TRIP11: variants seen among roughly 807,000 people sequenced by gnomAD.
The protein encoded by TRIP11 is thyroid hormone receptor interactor 11.
In TRIP11, 148 loss-of-function variants were observed where a neutral mutation model predicts 223.1. That is an observed-to-expected ratio of 0.66 (90% confidence interval 0.58 to 0.76). TRIP11 has a LOEUF of 0.76. Ranked by LOEUF, TRIP11 falls within the 30% of genes least tolerant of loss-of-function variation. The pLI is 0.00. For synonymous variants in TRIP11, 762 were observed against 772.6 expected (o/e 0.99, Z 0.23); for missense variants, 2,043 against 2,222.0 (o/e 0.92, Z 1.62).
intron 4 of TRIP11, among the ~76,000 whole-genome samples, chr14:92,019,065 A>T (rs1233989818): frequency 6.6e-6 from 1 of 152,088 alleles, no homozygotes; most frequent in African/African-American, 2.4e-5. Flanking sequence ...ATATTGGGAT[A>T]ATACATATGG....
rs185305872 is a variant in TRIP11 at position 91,986,347 on chromosome 14, A to G, written c.5260+1937T>C. Among the ~76,000 whole-genome samples, 650 of 152,292 alleles carry G rather than the reference A, an allele frequency of 4.3e-3. 2 individuals are homozygous for G. The highest frequency in any genetic ancestry group is 5.5e-3 in the Non-Finnish European group (372 of 68,024). On this transcript the variant is annotated intron_variant, in intron 16 of 20. Coordinates refer to ENST00000267622, the MANE Select transcript of TRIP11 (RefSeq NM_004239.4). ...AAGTGTTTCAGATTTTGGATTTTTC[A>G]GACTTTGGAATATCTACATTATAGT...
chr14:92,033,023 A>G (rs1357660725), intron 2 of TRIP11, among the ~76,000 whole-genome samples, 169 bp downstream of exon 2: 2 of 152,132 alleles, frequency 1.3e-5, no homozygotes, highest in South Asian at 2.1e-4. Flanking sequence ...AGGTAAATAT[A>G]TTTTTCATCT....
chr14:91,980,368 A>G (rs572270978), intron 16 of TRIP11, among the ~76,000 whole-genome samples: 141 of 152,314 alleles, frequency 9.3e-4, no homozygotes, highest in African/African-American at 3.2e-3. Context: ...TCCAAGTCAG[A>G]TTTACTGAAC....
intron 2 of TRIP11, among the ~76,000 whole-genome samples, chr14:92,029,286 T>TA (rs1566874541): frequency 3.5e-5 from 1 of 28,292 alleles, no homozygotes; most frequent in African/African-American, 1.1e-4. Context: ...TATTATTTTT[T>TA]TTTTTTTTTT....
At position 92,039,653 on chromosome 14, in the gene TRIP11, T is replaced by A; in HGVS notation, c.33A>T (p.Gly11=). The change falls in exon 1 of 21, where the codon GGA becomes GGT. Residue 11 remains glycine, a synonymous_variant. Transcript: ENST00000267622. ...CGACTTGACCCAGAGACTGGCCCAA[T>A]CCGGAGCCGAGGCCCCCAAGCCAGG... MSSWLGGLGS[G]LGQSLGQVGG... is the part of the protein sequence containing the mutation. 1.9e-6 allele frequency: 3 copies of A among 1,612,354 alleles called. No homozygotes were observed. The African/African-American group carries it at 4.0e-5, about 22-fold the overall frequency.
rs2056496498 is a variant in TRIP11 at position 91,978,541 on chromosome 14, C to G, written c.5261-2352G>C. ...TATATATTTGAGACAGGGTCTTGCT[C>G]TGTTGCCCAGGCTGTGGCATGATCA... On this transcript the variant is annotated intron_variant, in intron 16 of 20. Transcript: ENST00000267622. The surrounding 1 kb of genome is among the most constrained non-coding windows in gnomAD (Gnocchi z 4.4). Among the ~76,000 whole-genome samples the G allele has an allele frequency of 6.6e-6, 1 of 152,128 alleles. No homozygotes were observed. The highest frequency in any genetic ancestry group is 2.4e-5 in the African/African-American group (1 of 41,410).
intron 2 of TRIP11, among the ~76,000 whole-genome samples, chr14:92,027,771 TG>T (rs2057208241): frequency 6.6e-6 from 1 of 152,242 alleles, no homozygotes; most frequent in Admixed American, 6.5e-5. Context: ...TTTTTCACTT[TG>T]GGGATGTCAT....
intron 13 of TRIP11, 63 bp downstream of exon 13, chr14:91,999,177 T>A (rs933455416): frequency 5.2e-6 from 8 of 1,543,344 alleles, no homozygotes; most frequent in Non-Finnish European, 6.2e-6. Context: ...CAAAAAATAC[T>A]TACTGAGTCT....
chr14:92,034,912 G>A (rs1006363620), intron 1 of TRIP11, among the ~76,000 whole-genome samples: 1 of 152,156 alleles, frequency 6.6e-6, no homozygotes, highest in African/African-American at 2.4e-5. Context: ...GGGATTACAA[G>A]TGTAAGTCAC....
At chr14:92,025,177 C>T (rs1176851750) in intron 3 of TRIP11, 133 bp downstream of exon 3, 6 of 719,026 alleles carry the variant, frequency 8.3e-6, no homozygotes, top group Middle Eastern at 3.9e-4. Flanking sequence ...CAAACTGAGT[C>T]GAAAATCATT....
At position 91,974,576 on chromosome 14, in the gene TRIP11, T is replaced by C. The variant is rs746292464; in HGVS notation, c.5574+51A>G. ...TCTGATTCTTTGCAAATGAATGTAATATACAGTCATTTTACTATTCACCTT... is the reference window on the plus strand; with the variant it reads ...TCTGATTCTTTGCAAATGAATGTAACATACAGTCATTTTACTATTCACCTT... On this transcript the variant is annotated intron_variant, in intron 19 of 20. Coordinates refer to ENST00000267622, the MANE Select transcript of TRIP11 (RefSeq NM_004239.4). 1.1e-5 allele frequency: 14 copies of C among 1,320,470 alleles called. 1 individual carries two copies. In the South Asian group the frequency reaches 1.4e-4, roughly 13 times the overall value. The allele number at this position is 1,320,470 out of a possible 1,614,324, so 81.8% of individuals were successfully genotyped here. A position where few individuals can be genotyped will look rare whatever the true frequency, so the allele number is the denominator to read the frequency against.
chr14:92,021,632 T>C lies in TRIP11; in HGVS notation c.512A>G (p.Gln171Arg), dbSNP rs1299183811. The C allele has an allele frequency of 1.9e-6, 3 of 1,614,202 alleles. No homozygotes were observed. In the South Asian group the frequency reaches 3.3e-5, roughly 18 times the overall value. Residue 171 changes from glutamine (Q) to arginine (R), a missense_variant, in exon 4 of 21, where the codon CAA (glutamine) becomes CGA (arginine). Gln to Arg is a conservative substitution (Grantham distance 43). Coordinates refer to ENST00000267622, the MANE Select transcript of TRIP11 (RefSeq NM_004239.4). ...ATTTGAGAGTCGGTTTATTTCTTGT[T>C]GGGATGAAATTATATCACCAAAGTC... is the stretch of plus-strand genomic sequence containing the variant. ...DMDFGDIISS[Q>R]QEINRLSNEV...
chr14:92,020,663 A>G (rs1595401894), intron 4 of TRIP11, among the ~76,000 whole-genome samples: 1 of 139,842 alleles, frequency 7.2e-6, no homozygotes, highest in African/African-American at 2.6e-5. Context: ...ATGTTTTATT[A>G]AAAAAAAAAA....
At chr14:92,016,696 C>T (rs2057039493) in intron 5 of TRIP11, among the ~76,000 whole-genome samples, 1 of 152,072 alleles carries the variant, frequency 6.6e-6, no homozygotes, top group South Asian at 2.1e-4. Context: ...GGGCTAAGAG[C>T]TTTACATTTA....
intron 11 of TRIP11, among the ~76,000 whole-genome samples, chr14:92,001,017 C>A (rs976701095): frequency 1.3e-5 from 2 of 151,908 alleles, no homozygotes; most frequent in Non-Finnish European, 2.9e-5. Context: ...TGCACCACCA[C>A]GTCTGGCTAA....
intron 11 of TRIP11, among the ~76,000 whole-genome samples, chr14:92,002,699 C>T (rs1165783733): frequency 6.6e-6 from 1 of 151,898 alleles, no homozygotes; most frequent in African/African-American, 2.4e-5. Context: ...GCCTCAGCCT[C>T]CCAAGTAGCT....
At position 92,004,524 on chromosome 14, in the gene TRIP11, C is replaced by T; in HGVS notation, c.3452G>A (p.Gly1151Asp). 1 of 1,613,122 alleles carries T rather than the reference C, an allele frequency of 6.2e-7. No homozygotes were observed. The highest frequency in any genetic ancestry group is 8.5e-7 in the Non-Finnish European group (1 of 1,179,926). The change falls in exon 11 of 21, where the codon GGC becomes GAC. Residue 1151 changes from glycine (G) to aspartate (D), a missense_variant. Coordinates refer to ENST00000267622, the MANE Select transcript of TRIP11 (RefSeq NM_004239.4). ...KKLSTRFESS[G>D]QDMFRETIQN... ...AATAGTTTCTCTAAACATATCTTGG[C>T]CACTACTTTCAAATCTAGTGGACAA...
Position 92,003,723 on chromosome 14 carries a change from G to A in TRIP11, c.4253C>T (p.Ala1418Val). The change falls in exon 11 of 21, where the codon GCC (alanine) becomes GTC (valine). Residue 1418 changes from alanine to valine, a missense_variant. Coordinates refer to ENST00000267622, the MANE Select transcript of TRIP11 (RefSeq NM_004239.4). ...LLKEKDLLIK[A>V]KSDQLLSSNE... ...GGAAGAAAGTAGTTGATCACTTTTG[G>A]CTTTGATTAAGAGGTCTTTTTCCTT... 1 of 1,614,108 alleles carries A rather than the reference G, an allele frequency of 6.2e-7. No homozygotes were observed. The highest frequency in any genetic ancestry group is 8.5e-7 in the Non-Finnish European group (1 of 1,180,030).
intron 11 of TRIP11, 59 bp from the exon 12 acceptor site, chr14:92,000,167 A>C (rs917416330): frequency 1.8e-5 from 29 of 1,607,326 alleles, no homozygotes; most frequent in Non-Finnish European, 2.0e-5. Flanking sequence ...ATTTTAAAAG[A>C]GACATTTTCT....
Sources: allele counts gnomAD v4.1 joint callset (sites outside exome capture counted in the v4.1 genomes callset), GRCh38; gene constraint gnomAD v4.1.1; non-coding constraint Gnocchi (gnomAD v3.1); transcripts MANE v1.5; gene names NCBI Gene and HGNC (gene_info 2026-07-23, HGNC 2026-07-21).